The following OSBPL10 variants were observed in gnomAD, a reference collection of about 807,000 sequenced individuals.
OSBPL10 encodes oxysterol binding protein like 10.
Under a neutral mutation model 81.7 loss-of-function variants are expected in OSBPL10, and 49 were observed. That is an observed-to-expected ratio of 0.60 (90% CI 0.48 to 0.76). The LOEUF is 0.76. Ranked by LOEUF, OSBPL10 falls within the 30% of genes least tolerant of loss-of-function variation. The pLI, the probability that OSBPL10 is intolerant of heterozygous loss-of-function variation, is 0.00. For synonymous variants in OSBPL10, 419 were observed against 383.6 expected (o/e 1.09, Z -1.08); for missense variants, 923 against 987.8 (o/e 0.93, Z 0.88).
chr3:31,923,666 A>G (rs552014519), intron 1 of OSBPL10, among the ~76,000 whole-genome samples: 6 of 152,308 alleles, frequency 3.9e-5, no homozygotes, highest in African/African-American at 1.4e-4. Context: ...GCACACCTGT[A>G]GTCCTACCTA....
Position 31,815,007 on chromosome 3 carries a change from G to T in OSBPL10, c.729+15033C>A, listed in dbSNP as rs183618285. Among the ~76,000 whole-genome samples, 92 of 152,292 alleles carry T rather than the reference G, an allele frequency of 6.0e-4. No individual in the cohort carries two copies. The East Asian group carries it at 0.014, about 22-fold the overall frequency. Reference sequence around the variant, plus strand: ...GAGAGTGTGACAGTTTCCAGGCCCAGGTTTTAAGAAACTAGCAACTTCTGC... The same window carrying T: ...GAGAGTGTGACAGTTTCCAGGCCCATGTTTTAAGAAACTAGCAACTTCTGC... On this transcript the variant is annotated intron_variant, in intron 4 of 11. Coordinates refer to ENST00000396556, the MANE Select transcript of OSBPL10 (RefSeq NM_017784.5).
chr3:31,859,721 T>C (rs72850574), intron 3 of OSBPL10, among the ~76,000 whole-genome samples: 4,364 of 152,286 alleles, frequency 0.029, 226 homozygotes, highest in African/African-American at 0.1. Flanking sequence ...AATGAACCTC[T>C]CCCAGGCTCC....
rs188521325 is a variant in OSBPL10 at position 31,811,973 on chromosome 3, A to G, written c.729+18067T>C. ...TTATCACAGAAGTTACATCTGAACC[A>G]ATAAATAACTCCAAATCTCACCTGG... On this transcript the variant is annotated intron_variant, in intron 4 of 11. Transcript: ENST00000396556. Among the ~76,000 whole-genome samples, 625 of 152,330 alleles carry G rather than the reference A, an allele frequency of 4.1e-3. 13 individuals carry two copies. The highest frequency in any genetic ancestry group is 0.039 in the South Asian group (189 of 4,830).
At chr3:31,662,199 G>A (rs2125492260) in intron 11 of OSBPL10, 83 bp from the exon 12 acceptor site, 1 of 1,602,882 alleles carries the variant, frequency 6.2e-7, no homozygotes, top group Middle Eastern at 2.1e-4. Flanking sequence ...CAGCCACTCT[G>A]TGTGTCTGCC....
At chr3:31,844,708 G>A (rs1470927725) in intron 3 of OSBPL10, among the ~76,000 whole-genome samples, 1 of 152,168 alleles carries the variant, frequency 6.6e-6, no homozygotes, top group South Asian at 2.1e-4. Flanking sequence ...AAATTGTTTT[G>A]GAACTACATA....
At chr3:31,761,104 C>CA (rs1375801768) in intron 4 of OSBPL10, among the ~76,000 whole-genome samples, 3 of 150,960 alleles carry the variant, frequency 2.0e-5, no homozygotes, top group South Asian at 2.1e-4. Context: ...ATTTCAGAGG[C>CA]AAAAAAAATC....
chr3:31,818,237 C>A (rs1344576951), intron 4 of OSBPL10, among the ~76,000 whole-genome samples: 1 of 152,148 alleles, frequency 6.6e-6, no homozygotes, highest in Non-Finnish European at 1.5e-5. Flanking sequence ...CCGCTCCAGT[C>A]CATTGAAGGC....
intron 4 of OSBPL10, among the ~76,000 whole-genome samples, chr3:31,789,034 G>A (rs573431342): frequency 2.7e-4 from 41 of 151,592 alleles, no homozygotes; most frequent in African/African-American, 7.3e-4. Flanking sequence ...GCTGGAGTGC[G>A]GTGGCGCGAT....
chr3:31,796,730 G>A (rs56413808), intron 4 of OSBPL10, among the ~76,000 whole-genome samples: 89,697 of 151,900 alleles, frequency 0.59, 28,359 homozygotes, highest in East Asian at 0.78. Flanking sequence ...AATGCCCTGG[G>A]TTTGACAACC....
rs183874640 is a variant in OSBPL10, at chr3:31,689,488, C to G, written c.1246-5374G>C. Among the ~76,000 whole-genome samples, 545 of 152,314 alleles carry G rather than the reference C, an allele frequency of 3.6e-3. 5 individuals are homozygous for G. The highest frequency in any genetic ancestry group is 0.018 in the South Asian group (86 of 4,826). Reference sequence around the variant, plus strand: ...GAAAGAACTGTCATGATGTCTGCAACATACTCTAAAATGGTTAATCAAAAA... The same window carrying G: ...GAAAGAACTGTCATGATGTCTGCAAGATACTCTAAAATGGTTAATCAAAAA... On this transcript the variant is annotated intron_variant, in intron 7 of 11. Coordinates refer to ENST00000396556, the MANE Select transcript of OSBPL10 (RefSeq NM_017784.5).
intron 3 of OSBPL10, among the ~76,000 whole-genome samples, chr3:31,872,365 C>T (rs1701351164): frequency 6.6e-6 from 1 of 152,008 alleles, no homozygotes; most frequent in Non-Finnish European, 1.5e-5. Flanking sequence ...CTGGTTGGGG[C>T]TTCTTTGTGT....
intron 6 of OSBPL10, chr3:31,714,664 T>A (rs1022934024): frequency 8.5e-5 from 13 of 152,306 alleles, no homozygotes; most frequent in African/African-American, 3.1e-4. Flanking sequence ...GCGTCCTGCC[T>A]TTCCTGTTTT....
At chr3:32,019,086 G>A (rs1334520422) in intron 2 of OSBPL10, among the ~76,000 whole-genome samples, 1 of 152,060 alleles carries the variant, frequency 6.6e-6, no homozygotes, top group East Asian at 1.9e-4. Context: ...GATTTTGAAG[G>A]CTGTGCAATC....
intron 3 of OSBPL10, among the ~76,000 whole-genome samples, chr3:31,865,331 G>A (rs911919472): frequency 6.6e-6 from 1 of 152,206 alleles, no homozygotes; most frequent in Non-Finnish European, 1.5e-5. Flanking sequence ...TGCCACTGAA[G>A]AACTGATTTT....
At chr3:31,741,104 T>A (rs1047394353) in intron 5 of OSBPL10, among the ~76,000 whole-genome samples, 1 of 152,172 alleles carries the variant, frequency 6.6e-6, no homozygotes, top group Non-Finnish European at 1.5e-5. Context: ...AGGTCTTTCC[T>A]CTTCCTGTAA....
intron 3 of OSBPL10, 51 bp from the exon 4 acceptor site, chr3:31,830,282 A>G (rs1700209312): frequency 1.3e-6 from 2 of 1,525,274 alleles, no homozygotes; most frequent in South Asian, 1.2e-5. Flanking sequence ...GCAGAACACA[A>G]CTAAGTGTTG....
intron 2 of OSBPL10, among the ~76,000 whole-genome samples, chr3:31,999,720 T>C (rs1169246356): frequency 5.3e-5 from 8 of 152,106 alleles, no homozygotes; most frequent in South Asian, 2.1e-4. Context: ...GTTCAGAAAA[T>C]ATGGCTGCCT....
At chr3:32,056,701 G>T (rs866426550) in intron 1 of OSBPL10, among the ~76,000 whole-genome samples, 3 of 152,134 alleles carry the variant, frequency 2.0e-5, no homozygotes, top group African/African-American at 7.2e-5. Context: ...ATGGACCTTC[G>T]TCCCTCTGCA....
At chr3:31,678,699 C>A (rs1700551559) in intron 8 of OSBPL10, among the ~76,000 whole-genome samples, 1 of 151,990 alleles carries the variant, frequency 6.6e-6, no homozygotes. Flanking sequence ...CGGCAACAAG[C>A]ACTTCTGCTG....
Sources: gnomAD v4.1 joint callset for allele counts (sites outside exome capture counted in the v4.1 genomes callset) on GRCh38, gnomAD v4.1.1 for gene constraint, MANE v1.5 for transcripts, NCBI Gene and HGNC (gene_info 2026-07-23, HGNC 2026-07-21) for gene names.